GARIN2: variants seen among roughly 807,000 people sequenced by gnomAD.
GARIN2 encodes the protein Golgi-associated RAB2 interactor protein 2.
At chr14:67,200,119 C>T in the GARIN2 span, 26 of 1,065,286 alleles carry the variant, frequency 2.4e-5, no homozygotes, top group South Asian at 3.1e-4. Context: ...CATGCCCCCC[C>T]GAAGGCCTCC....
chr14:67,210,287 T>A, the GARIN2 span, among the ~76,000 whole-genome samples: 7 of 152,072 alleles, frequency 4.6e-5, no homozygotes, highest in African/African-American at 1.7e-4. Flanking sequence ...TGGGCAGAAT[T>A]TCAATGAAAA....
chr14:67,209,219 A>C, the GARIN2 span, among the ~76,000 whole-genome samples: 1 of 152,160 alleles, frequency 6.6e-6, no homozygotes, highest in Non-Finnish European at 1.5e-5. Context: ...TCCATATCTC[A>C]TGGAGTGTTT....
chr14:67,217,028 T>C, the GARIN2 span, among the ~76,000 whole-genome samples: 1 of 152,226 alleles, frequency 6.6e-6, no homozygotes, highest in Non-Finnish European at 1.5e-5. Flanking sequence ...CCAGCTATTA[T>C]TGTATTGGGA....
At chr14:67,220,253 T>A in the GARIN2 span, among the ~76,000 whole-genome samples, 3 of 152,008 alleles carry the variant, frequency 2.0e-5, no homozygotes, top group Non-Finnish European at 4.4e-5. Flanking sequence ...CTGGGCAATA[T>A]GTCAAGACCC....
chr14:67,225,966 C>CGCGCGCGCGCGTGCGCATGCGCGT, the GARIN2 span, among the ~76,000 whole-genome samples: 1 of 64,114 alleles, frequency 1.6e-5, no homozygotes, highest in African/African-American at 4.3e-5. Context: ...TGTGTGTGCG[C>CGCGCGCGCGCGTGCGCATGCGCGT]GCGCGCGCGT....
the GARIN2 span, among the ~76,000 whole-genome samples, chr14:67,216,200 A>G: frequency 2.0e-5 from 3 of 152,008 alleles, no homozygotes; most frequent in Admixed American, 6.6e-5. Flanking sequence ...TTACATTAAG[A>G]TTTACTCCTT....
chr14:67,209,991 G>A, the GARIN2 span, among the ~76,000 whole-genome samples: 4 of 152,020 alleles, frequency 2.6e-5, no homozygotes, highest in African/African-American at 9.7e-5. Context: ...AATAATTAAA[G>A]AAATACAAGT....
the GARIN2 span, among the ~76,000 whole-genome samples, chr14:67,215,926 C>T: frequency 6.6e-6 from 1 of 152,168 alleles, no homozygotes; most frequent in Non-Finnish European, 1.5e-5. Context: ...TTGCCCAAAA[C>T]AAATGCCCTA....
the GARIN2 span, among the ~76,000 whole-genome samples, chr14:67,192,825 C>T: frequency 7.0e-6 from 1 of 142,518 alleles, no homozygotes; most frequent in Non-Finnish European, 1.5e-5. Context: ...TCTATATGTA[C>T]AGATCTATAT....
At chr14:67,198,081 T>G in the GARIN2 span, 5 of 1,519,274 alleles carry the variant, frequency 3.3e-6, no homozygotes, top group African/African-American at 7.0e-5. Flanking sequence ...TGAAGCAACT[T>G]AATTATGATA....
the GARIN2 span, among the ~76,000 whole-genome samples, chr14:67,193,819 C>T: frequency 6.8e-6 from 1 of 147,922 alleles, no homozygotes. Context: ...GTAGCGTGTA[C>T]CTGTAATGCC....
chr14:67,223,675 C>T, the GARIN2 span: 1 of 929,984 alleles, frequency 1.1e-6, no homozygotes, highest in Non-Finnish European at 1.3e-6. Context: ...AATTATTTTC[C>T]CTGTTTGTTT....
the GARIN2 span, among the ~76,000 whole-genome samples, chr14:67,220,785 T>C: frequency 2.2e-4 from 33 of 152,336 alleles, no homozygotes; most frequent in African/African-American, 7.7e-4. Context: ...ATCAGATCTA[T>C]TTGATAAAGA....
the GARIN2 span, among the ~76,000 whole-genome samples, chr14:67,209,367 G>A: frequency 3.9e-5 from 6 of 152,210 alleles, no homozygotes; most frequent in African/African-American, 1.2e-4. Flanking sequence ...ATTTTATACA[G>A]GTGGTCAAGG....
the GARIN2 span, among the ~76,000 whole-genome samples, chr14:67,210,110 T>C: frequency 6.6e-6 from 1 of 152,226 alleles, no homozygotes; most frequent in East Asian, 1.9e-4. Flanking sequence ...CCTTTACTTA[T>C]GGTAACATGT....
the GARIN2 span, among the ~76,000 whole-genome samples, chr14:67,218,031 A>G: frequency 1.3e-5 from 2 of 151,744 alleles, no homozygotes; most frequent in Non-Finnish European, 2.9e-5. Context: ...GTCTCCATGT[A>G]GTTTCTTTAG....
the GARIN2 span, chr14:67,199,447 C>A: frequency 1.9e-6 from 3 of 1,613,132 alleles, no homozygotes; most frequent in South Asian, 2.2e-5. Context: ...TCTTACAAAC[C>A]CCCAAGATTA....
chr14:67,198,905 A>G, the GARIN2 span: 1 of 693,264 alleles, frequency 1.4e-6, no homozygotes. Flanking sequence ...TAAAGTTCCT[A>G]GAAATTCCAT....
the GARIN2 span, among the ~76,000 whole-genome samples, chr14:67,216,004 T>G: frequency 1.3e-5 from 2 of 152,186 alleles, no homozygotes; most frequent in Non-Finnish European, 2.9e-5. Context: ...CTTTATTTTT[T>G]GCGTGCAGTT....
Sources: gnomAD v4.1 joint callset for allele counts (sites outside exome capture counted in the v4.1 genomes callset) on GRCh38, gnomAD v4.1.1 for gene constraint, MANE v1.5 for transcripts, NCBI Gene and HGNC (gene_info 2026-07-23, HGNC 2026-07-21) for gene names.